Variants in HEBP1 observed in about 807,000 individuals in gnomAD.
HEBP1 encodes the protein heme binding protein 1, also known as heme-binding protein 1.
HEBP1 carries 13 observed loss-of-function variants against 20.4 expected under a neutral mutation model. The ratio of observed to expected loss-of-function variants is 0.64; its 90% CI spans 0.42 to 1.01. HEBP1 has a LOEUF of 1.01. Among genes scored for constraint, HEBP1 ranks in the 50% least tolerant of loss-of-function variants. The pLI, the probability that HEBP1 is intolerant of heterozygous loss-of-function variation, is 0.00. For missense variants in HEBP1, 241 were observed against 247.3 expected (o/e 0.97, Z 0.17); for synonymous variants, 92 against 90.7 (o/e 1.01, Z -0.08).
intron 3 of HEBP1, 82 bp downstream of exon 3, chr12:12,987,070 G>A (rs1045558144): frequency 2.0e-5 from 22 of 1,104,822 alleles, no homozygotes; most frequent in Non-Finnish European, 2.4e-5. Flanking sequence ...AAAATTTGAC[G>A]CGAATGCTTG....
At position 12,975,373 on chromosome 12, in the gene HEBP1, T is replaced by A. The variant is rs150183348; in HGVS notation, c.505A>T (p.Thr169Ser). The A allele has an allele frequency of 7.1e-4, 1,150 of 1,614,070 alleles. 5 individuals are homozygous for A. The highest frequency in any genetic ancestry group is 6.7e-4 in the Non-Finnish European group (791 of 1,179,986). Residue 169 changes from threonine to serine, a missense_variant, in exon 4 of 4, where the codon ACG (threonine) becomes TCG (serine). Coordinates refer to ENST00000014930, the MANE Select transcript of HEBP1 (RefSeq NM_015987.5). ...GGCTTCATGGGAGGGTCATAACCCG[T>A]GCAGAAGTAGATGTCCCCCCGGTAG... is the stretch of plus-strand genomic sequence containing the variant. ...ATYRGDIYFC[T>S]GYDPPMKPYG...
chr12:12,995,684 T>G (rs956459727), intron 1 of HEBP1, among the ~76,000 whole-genome samples: 1 of 152,210 alleles, frequency 6.6e-6, no homozygotes, highest in Non-Finnish European at 1.5e-5. Flanking sequence ...GGAGCTCTAT[T>G]TAAATGTATT....
At chr12:12,975,591 G>T in intron 3 of HEBP1, 112 bp from the exon 4 acceptor site, 1 of 888,480 alleles carries the variant, frequency 1.1e-6, no homozygotes, top group Non-Finnish European at 1.7e-6. Context: ...TGCTAGAGTG[G>T]TAAGACTGGG....
chr12:12,999,400 C>T (rs1016126090), intron 1 of HEBP1, among the ~76,000 whole-genome samples: 2 of 152,176 alleles, frequency 1.3e-5, no homozygotes, highest in Non-Finnish European at 2.9e-5. Flanking sequence ...ACTTCAATAC[C>T]GCCACGGTCG....
At chr12:12,997,006 A>G (rs1480052952) in intron 1 of HEBP1, among the ~76,000 whole-genome samples, 1 of 152,262 alleles carries the variant, frequency 6.6e-6, no homozygotes, top group Non-Finnish European at 1.5e-5. Context: ...TTTGTAGGGT[A>G]TGTATACTAC....
At position 12,998,740 on chromosome 12, in the gene HEBP1, T is replaced by C. The variant is rs1306146547; in HGVS notation, c.78+1297A>G. ...CCAGGCAATACAGTCCTTTCACAAA[T>C]GAGGCATCGTATTGGGAGCTCTGTA... On this transcript the variant is annotated intron_variant, in intron 1 of 3. Coordinates refer to ENST00000014930, the MANE Select transcript of HEBP1 (RefSeq NM_015987.5). The surrounding 1 kb of genome is among the most constrained non-coding windows in gnomAD (Gnocchi z 4.2). Among the ~76,000 whole-genome samples, 1 of 152,236 alleles carries C rather than the reference T, an allele frequency of 6.6e-6. No individual in the cohort carries two copies. The highest frequency in any genetic ancestry group is 1.9e-4 in the East Asian group (1 of 5,202).
chr12:12,992,257 G>T (rs1864233360), intron 1 of HEBP1, among the ~76,000 whole-genome samples: 1 of 152,194 alleles, frequency 6.6e-6, no homozygotes, highest in South Asian at 2.1e-4. Context: ...GGGCTGGAGT[G>T]CAGTGGTGTG....
At chr12:12,979,550 C>T (rs1422509553) in intron 3 of HEBP1, 1 of 152,236 alleles carries the variant, frequency 6.6e-6, no homozygotes, top group Non-Finnish European at 1.5e-5. Context: ...GTTCGTGCCT[C>T]AGCTTCCAAT....
At chr12:12,985,695 T>C (rs1864143532) in intron 3 of HEBP1, 1 of 152,076 alleles carries the variant, frequency 6.6e-6, no homozygotes, top group African/African-American at 2.4e-5. Flanking sequence ...ATAAATAGTA[T>C]CTTAGTAAAT....
intron 1 of HEBP1, among the ~76,000 whole-genome samples, chr12:12,994,198 A>G (rs1864264349): frequency 6.6e-6 from 1 of 152,204 alleles, no homozygotes; most frequent in African/African-American, 2.4e-5. Context: ...GGGGTCAAGA[A>G]CAGTATGATG....
intron 1 of HEBP1, 112 bp downstream of exon 1, chr12:12,999,925 C>T: frequency 1.6e-6 from 1 of 610,740 alleles, no homozygotes; most frequent in Non-Finnish European, 2.9e-6. Context: ...CAGAACGCAC[C>T]TTCGATAGCA....
chr12:12,991,309 C>T (rs567372496), intron 1 of HEBP1, among the ~76,000 whole-genome samples: 7 of 152,162 alleles, frequency 4.6e-5, no homozygotes, highest in Non-Finnish European at 8.8e-5. Flanking sequence ...GGATCCAGAA[C>T]CCACAGACAG....
chr12:12,984,665 A>G (rs1221233218), intron 3 of HEBP1: 1 of 152,216 alleles, frequency 6.6e-6, no homozygotes, highest in Non-Finnish European at 1.5e-5. Flanking sequence ...GGTTGTGTGC[A>G]ACTGTAGTAC....
At chr12:12,975,590 G>A in intron 3 of HEBP1, 111 bp from the exon 4 acceptor site, 2 of 888,302 alleles carry the variant, frequency 2.3e-6, no homozygotes, top group Middle Eastern at 5.0e-4. Context: ...ATGCTAGAGT[G>A]GTAAGACTGG....
Position 12,987,180 on chromosome 12 carries a change from C to T in HEBP1, c.370G>A (p.Glu124Lys), listed in dbSNP as rs2136544780. Residue 124 changes from glutamate (E) to lysine (K), a missense_variant, in exon 3 of 4, where the codon GAA (glutamate) becomes AAA (lysine). Physicochemically the swap from Glu to Lys is moderately conservative, Grantham distance 56. Transcript: ENST00000014930. ...APSDKSVKIE[E>K]REGITVYSMQ... ...GAATAGACAGTGATGCCTTCCCGTTCCTCAATCTTAACGCTTTTGTCACTG... is the reference window on the plus strand; with the variant it reads ...GAATAGACAGTGATGCCTTCCCGTTTCTCAATCTTAACGCTTTTGTCACTG... The T allele has an allele frequency of 6.2e-7, 1 of 1,614,078 alleles. No homozygotes were observed. Among genetic ancestry groups the T allele is most frequent in the Non-Finnish European group, 8.5e-7 (1 of 1,179,968 alleles).
chr12:12,978,767 G>T (rs959021000), intron 3 of HEBP1, among the ~76,000 whole-genome samples: 1 of 152,092 alleles, frequency 6.6e-6, no homozygotes, highest in Non-Finnish European at 1.5e-5. Flanking sequence ...AGAAGATGCC[G>T]CTAACCAGAA....
chr12:12,989,686 T>C (rs887772156), intron 1 of HEBP1, among the ~76,000 whole-genome samples: 4 of 152,104 alleles, frequency 2.6e-5, no homozygotes, highest in African/African-American at 9.7e-5. Context: ...AAATGGAACA[T>C]TCAGAGAGCA....
intron 2 of HEBP1, among the ~76,000 whole-genome samples, chr12:12,987,771 G>A (rs1864172817): frequency 6.6e-6 from 1 of 152,022 alleles, no homozygotes; most frequent in Admixed American, 6.6e-5. Flanking sequence ...TGAGTAGATG[G>A]GATTACAGGT....
chr12:12,976,616 C>T (rs1863991964), intron 3 of HEBP1, among the ~76,000 whole-genome samples: 1 of 152,226 alleles, frequency 6.6e-6, no homozygotes, highest in African/African-American at 2.4e-5. Flanking sequence ...GACAAGCATT[C>T]AGCATGTGGA....
Sources: allele counts gnomAD v4.1 joint callset (sites outside exome capture counted in the v4.1 genomes callset), GRCh38; gene constraint gnomAD v4.1.1; non-coding constraint Gnocchi (gnomAD v3.1); transcripts MANE v1.5; gene names NCBI Gene and HGNC (gene_info 2026-07-23, HGNC 2026-07-21).